The following SPC25 variants were observed in gnomAD, a reference collection of about 807,000 sequenced individuals.
SPC25 encodes SPC25 component of NDC80 kinetochore complex, also known as kinetochore protein Spc25.
SPC25 carries 22 observed loss-of-function variants against 29.6 expected under a neutral mutation model. That is an observed-to-expected ratio of 0.74 (90% CI 0.53 to 1.06). The LOEUF (loss-of-function observed/expected upper bound fraction) is 1.06. Among genes scored for constraint, SPC25 ranks in the 50% least tolerant of loss-of-function variants. The pLI, the probability that SPC25 is intolerant of heterozygous loss-of-function variation, is 0.00. For synonymous variants in SPC25, 91 were observed against 90.4 expected, an observed-to-expected ratio of 1.01 and a Z score of -0.04; for missense variants, 230 against 255.8, an observed-to-expected ratio of 0.90 and a Z score of 0.69.
intron 3 of SPC25, among the ~76,000 whole-genome samples, chr2:168,884,030 A>G (rs1488049286): frequency 1.3e-5 from 2 of 152,022 alleles, no homozygotes; most frequent in African/African-American, 2.4e-5. Context: ...CGGCCTCCCA[A>G]ATTGCTAGGA....
intron 3 of SPC25, among the ~76,000 whole-genome samples, chr2:168,888,769 A>G (rs991788653): frequency 2.0e-5 from 3 of 149,028 alleles, no homozygotes; most frequent in Non-Finnish European, 4.5e-5. Flanking sequence ...ATATGTATAT[A>G]TATATATTTT....
At chr2:168,867,821 C>A, downstream of SPC25, among the ~76,000 whole-genome samples, 1 of 152,176 alleles carries the variant, frequency 6.6e-6, no homozygotes, top group African/African-American at 2.4e-5. Context: ...CAAGGATATC[C>A]AGGAATTGAA....
At chr2:168,883,260 T>C (rs977669139) in intron 3 of SPC25, among the ~76,000 whole-genome samples, 6 of 152,170 alleles carry the variant, frequency 3.9e-5, no homozygotes, top group South Asian at 2.1e-4. Context: ...ATAATTACGT[T>C]AAAAACCTAC....
chr2:168,864,876 G>A, intron 4 of SPC25: 1 of 1,613,956 alleles, frequency 6.2e-7, no homozygotes, highest in East Asian at 2.2e-5. Context: ...GGAGGATGGT[G>A]GTTTGGATCT....
At chr2:168,886,322 C>T (rs1198673403) in intron 3 of SPC25, among the ~76,000 whole-genome samples, 1 of 152,088 alleles carries the variant, frequency 6.6e-6, no homozygotes, top group East Asian at 1.9e-4. Flanking sequence ...TCCCAAAGTG[C>T]TGGGATTACT....
At chr2:168,869,540 A>G (rs1338565832), downstream of SPC25, among the ~76,000 whole-genome samples, 1 of 152,200 alleles carries the variant, frequency 6.6e-6, no homozygotes, top group Admixed American at 6.5e-5. Flanking sequence ...TGCAAAAATC[A>G]CAAGCATTTT....
rs1196142595 is a variant in SPC25, at chr2:168,889,932, C to CT, written c.-15+385dup. On this transcript the variant is annotated intron_variant, in intron 1 of 6. Coordinates refer to ENST00000282074, the MANE Select transcript of SPC25 (RefSeq NM_020675.4). ...TAGAATAAGACCCCACACATCTATC[C>CT]TGTCTCTCTCCTCCACCTCAGAACA... is the stretch of plus-strand genomic sequence containing the variant. Among the ~76,000 whole-genome samples, 3 of 152,162 alleles carry CT rather than the reference C, an allele frequency of 2.0e-5. No homozygotes were observed. The East Asian group carries it at 5.8e-4, about 29-fold the overall frequency.
intron 4 of SPC25, among the ~76,000 whole-genome samples, chr2:168,862,468 G>T (rs1046796000): frequency 2.6e-5 from 4 of 152,350 alleles, no homozygotes; most frequent in Non-Finnish European, 4.4e-5. Flanking sequence ...AAAGTGATTA[G>T]AGATGTACCC....
intron 4 of SPC25, chr2:168,864,701 C>A: frequency 1.0e-6 from 1 of 961,568 alleles, no homozygotes; most frequent in Non-Finnish European, 1.6e-6. Flanking sequence ...CATTTGGCTT[C>A]ATCTGAATCA....
chr2:168,861,988 A>C (rs1241128378), intron 4 of SPC25: 1 of 1,614,084 alleles, frequency 6.2e-7, no homozygotes, highest in Non-Finnish European at 8.5e-7. Context: ...TCAGCAGCAG[A>C]CTTTGCAAGG....
In SPC25 at chr2:168,862,066, A is replaced by G. The variant is rs552601841; in HGVS notation, n.419+11519T>C. 4 of 1,604,620 alleles carry G rather than the reference A, an allele frequency of 2.5e-6. No homozygotes were observed. The Admixed American group carries it at 5.0e-5, about 20-fold the overall frequency. ...TGGAAAAGGGTAAGAATCATTCTCA[A>G]ATATTTTAATTGCCTTCCCATATTG... On this transcript the variant is annotated intron_variant and non_coding_transcript_variant, in intron 4 of 4. Transcript: ENST00000479309.
chr2:168,863,864 T>A (rs1000771286), intron 4 of SPC25, among the ~76,000 whole-genome samples: 10 of 151,794 alleles, frequency 6.6e-5, no homozygotes, highest in Non-Finnish European at 1.5e-4. Flanking sequence ...TACATAGAAA[T>A]AGAAAGTGAG....
downstream of SPC25, chr2:168,870,749 A>G (rs1219184041): frequency 2.0e-5 from 3 of 151,494 alleles, no homozygotes; most frequent in Non-Finnish European, 4.4e-5. Context: ...ACACTTTTAC[A>G]CTGTTGGTGG....
chr2:168,863,741 A>C, intron 4 of SPC25: 1 of 807,322 alleles, frequency 1.2e-6, no homozygotes, highest in Non-Finnish European at 1.5e-6. Flanking sequence ...TTAAGAAAAG[A>C]CTGTTGGTGA....
At chr2:168,886,593 C>G (rs1690268179) in intron 3 of SPC25, among the ~76,000 whole-genome samples, 1 of 151,468 alleles carries the variant, frequency 6.6e-6, no homozygotes, top group Non-Finnish European at 1.5e-5. Context: ...GATCTGGGCT[C>G]ACTGCAAGCT....
chr2:168,864,090 C>A (rs985121435), intron 4 of SPC25, among the ~76,000 whole-genome samples: 1 of 152,052 alleles, frequency 6.6e-6, no homozygotes, highest in African/African-American at 2.4e-5. Flanking sequence ...GCCTCAGTCT[C>A]CCAAATAGCT....
At chr2:168,885,943 G>T (rs1690253537) in intron 3 of SPC25, among the ~76,000 whole-genome samples, 1 of 152,014 alleles carries the variant, frequency 6.6e-6, no homozygotes, top group South Asian at 2.1e-4. Context: ...GGTATACAAG[G>T]TAATGGTTAG....
chr2:168,884,668 A>G lies in SPC25; in HGVS notation c.199+4558T>C, dbSNP rs577789834. ...TTCTCTCTTACTTCCTCTGTTCTCCAATTACGAATTCTGTCTTTCCTGGTC... is the reference window on the plus strand; with the variant it reads ...TTCTCTCTTACTTCCTCTGTTCTCCGATTACGAATTCTGTCTTTCCTGGTC... On this transcript the variant is annotated intron_variant, in intron 3 of 6. Coordinates refer to ENST00000282074, the MANE Select transcript of SPC25 (RefSeq NM_020675.4). 3.3e-5 allele frequency among the ~76,000 whole-genome samples: 5 copies of G among 152,264 alleles called. No homozygotes were observed. The East Asian group carries it at 5.8e-4, about 18-fold the overall frequency.
At chr2:168,889,010 TGTATATATATACACATATATATAC>T (rs1690330035) in intron 3 of SPC25, among the ~76,000 whole-genome samples, 192 bp downstream of exon 3, 2 of 124,326 alleles carry the variant, frequency 1.6e-5, no homozygotes, top group African/African-American at 7.1e-5. Flanking sequence ...TACACATATA[TGTATATATATACACATATATATAC>T]ATATATATAT....
Sources: allele counts gnomAD v4.1 joint callset (sites outside exome capture counted in the v4.1 genomes callset), GRCh38; gene constraint gnomAD v4.1.1; transcripts MANE v1.5; gene names NCBI Gene and HGNC (gene_info 2026-07-23, HGNC 2026-07-21).